The following MACF1 variants were observed in gnomAD, a reference collection of about 807,000 sequenced individuals.
MACF1 encodes microtubule actin crosslinking factor 1, also known as microtubule-actin cross-linking factor 1.
A neutral mutation model predicts 854.8 loss-of-function variants in MACF1; 193 were observed. That is an observed-to-expected ratio of 0.23 (90% CI 0.20 to 0.25). The LOEUF (loss-of-function observed/expected upper bound fraction) is 0.25, where lower values mean the gene tolerates loss of function less well. Ranked by LOEUF, MACF1 falls within the 10% of genes least tolerant of loss-of-function variation. The pLI is 1.00. For missense variants in MACF1, 7,722 were observed against 8,929.1 expected, an observed-to-expected ratio of 0.86 and a Z score of 5.45; for synonymous variants, 3,185 against 3,226.7, an observed-to-expected ratio of 0.99 and a Z score of 0.44.
intron 2 of MACF1, among the ~76,000 whole-genome samples, chr1:39,160,836 GT>G (rs1184675225): frequency 6.6e-6 from 1 of 152,204 alleles, no homozygotes; most frequent in Non-Finnish European, 1.5e-5. Flanking sequence ...CCTGATTAAG[GT>G]GAATGGTTAC....
chr1:39,452,603 G>T (rs1341295422), intron 86 of MACF1, 81 bp from the exon 87 acceptor site: 1 of 1,571,132 alleles, frequency 6.4e-7, no homozygotes, highest in Non-Finnish European at 8.7e-7. Flanking sequence ...AATGAACACT[G>T]GACCCTTTCC....
intron 2 of MACF1, among the ~76,000 whole-genome samples, chr1:39,198,419 G>A (rs1644349325): frequency 6.6e-6 from 1 of 151,994 alleles, no homozygotes; most frequent in African/African-American, 2.4e-5. Flanking sequence ...TTGGGAGGCT[G>A]AGGCGGGTGG....
At chr1:39,108,479 A>C (rs1367186435) in intron 2 of MACF1, among the ~76,000 whole-genome samples, 1 of 146,596 alleles carries the variant, frequency 6.8e-6, no homozygotes, top group Non-Finnish European at 1.5e-5. Context: ...TACCTGGGAG[A>C]TTTGACAAAG....
chr1:39,360,699 ATTAT>A (rs1031931892), intron 47 of MACF1, 90 bp from the exon 48 acceptor site: 97 of 316,692 alleles, frequency 3.1e-4, no homozygotes, highest in African/African-American at 2.8e-3. Context: ...AATAATTTTT[ATTAT>A]TTATTATTTA....
At position 39,378,508 on chromosome 1, in the gene MACF1, T is replaced by C. The variant is rs777607592; in HGVS notation, c.13261T>C (p.Tyr4421His). 16 of 1,613,958 alleles carry C rather than the reference T, an allele frequency of 9.9e-6. No individual in the cohort carries two copies. Among genetic ancestry groups the C allele is most frequent in the Non-Finnish European group, 1.4e-5 (16 of 1,179,798 alleles). The part of the protein sequence containing the change: ...VGSSVGSVNG[Y>H]HTCKDLTEIQ... Reference sequence around the variant, plus strand: ...AAGCTCTGTAGGCAGTGTAAACGGATACCACACCTGCAAAGGTGAGAATGC... The same window carrying C: ...AAGCTCTGTAGGCAGTGTAAACGGACACCACACCTGCAAAGGTGAGAATGC... Residue 4421 changes from tyrosine (Y) to histidine (H), a missense_variant, in exon 53 of 101, where the codon TAC becomes CAC. Around this residue, in one of 15 missense-constraint regions of MACF1, gnomAD observed 2,807 missense variants for 3,235.8 expected, o/e 0.87. Transcript: ENST00000564288.
chr1:39,256,444 T>G (rs1273481612), intron 5 of MACF1, among the ~76,000 whole-genome samples: 1 of 152,108 alleles, frequency 6.6e-6, no homozygotes, highest in East Asian at 1.9e-4. Flanking sequence ...CAGATGAATG[T>G]CATTGTAAGG....
chr1:39,226,893 T>A (rs1242542901), intron 1 of MACF1, among the ~76,000 whole-genome samples: 1 of 152,202 alleles, frequency 6.6e-6, no homozygotes, highest in Non-Finnish European at 1.5e-5. Context: ...TGAGAATTTT[T>A]AAAATTAGAA....
chr1:39,383,153 T>C (rs1414872772), intron 56 of MACF1, among the ~76,000 whole-genome samples: 4 of 152,192 alleles, frequency 2.6e-5, no homozygotes, highest in Non-Finnish European at 4.4e-5. Context: ...GTCAAAATTA[T>C]GTCATTCCCA....
At chr1:39,262,781 A>G (rs1038151117) in intron 6 of MACF1, among the ~76,000 whole-genome samples, 2 of 152,082 alleles carry the variant, frequency 1.3e-5, no homozygotes, top group African/African-American at 4.8e-5. Context: ...CCAAATGCCT[A>G]TTTATTTGTC....
Position 39,209,538 on chromosome 1 carries a change from C to T in MACF1, c.109+4407C>T, listed in dbSNP as rs1571176454. Among the ~76,000 whole-genome samples the T allele has an allele frequency of 3.3e-5, 5 of 152,160 alleles. 1 individual carries two copies. In the Middle Eastern group the frequency reaches 0.014, roughly 414 times the overall value. On this transcript the variant is annotated intron_variant, in intron 1 of 100. Transcript: ENST00000564288. ...TAATATGATCTTTTAAAGTTCTCTCCGTTTTCAGCATCCCACTAGGAGGAA... is the reference window on the plus strand; with the variant it reads ...TAATATGATCTTTTAAAGTTCTCTCTGTTTTCAGCATCCCACTAGGAGGAA...
intron 2 of MACF1, among the ~76,000 whole-genome samples, chr1:39,162,442 A>C (rs1643819890): frequency 6.6e-6 from 1 of 152,056 alleles, no homozygotes; most frequent in Non-Finnish European, 1.5e-5. Flanking sequence ...TTCTCTTTGT[A>C]CCAAATTTCT....
intron 94 of MACF1, chr1:39,464,837 G>T: frequency 2.5e-6 from 1 of 406,470 alleles, no homozygotes; most frequent in African/African-American, 2.1e-5. Context: ...TTGCTTGAAC[G>T]CCGGGGTCGG....
At chr1:39,439,650 G>A (rs1264155109) in intron 72 of MACF1, 150 bp downstream of exon 72, 1 of 629,404 alleles carries the variant, frequency 1.6e-6, no homozygotes, top group Non-Finnish European at 2.8e-6. Context: ...TTGTCCCCAA[G>A]GCTGGAGTGC....
rs924986754 is a variant in MACF1 at position 39,084,514 on chromosome 1, G to A, written c.220+76G>A. 3 of 1,247,400 alleles carry A rather than the reference G, an allele frequency of 2.4e-6. No individual in the cohort carries two copies. Among genetic ancestry groups the A allele is most frequent in the Non-Finnish European group, 2.3e-6 (2 of 885,456 alleles). 77.3% of individuals were successfully genotyped at this position (1,247,400 alleles called of 1,614,324 possible). A position where few individuals can be genotyped will look rare whatever the true frequency, so the allele number is the denominator to read the frequency against. On this transcript the variant is annotated intron_variant, in intron 2 of 93. Transcript: ENST00000361689. The surrounding 1 kb of genome is among the most constrained non-coding windows in gnomAD (Gnocchi z 5.2). ...GGGCCAGGGCACAGCAGCTGTGTGG[G>A]GAGCCGAGGGGTCCTCACCAGGGCC...
rs539500120 is a variant in MACF1 at position 39,462,433 on chromosome 1, G to A, written c.21678+396G>A. Among the ~76,000 whole-genome samples the A allele has an allele frequency of 7.4e-4, 112 of 152,242 alleles. 5 individuals carry two copies. The South Asian group carries it at 0.021, about 29-fold the overall frequency. Reference sequence around the variant, plus strand: ...TTAAGGGTTGAAATGGACTGGGCATGGTGGCTTACATCTGTAGCTCTAGCA... The same window carrying A: ...TTAAGGGTTGAAATGGACTGGGCATAGTGGCTTACATCTGTAGCTCTAGCA... On this transcript the variant is annotated intron_variant, in intron 93 of 100. Coordinates refer to ENST00000564288, the MANE Select transcript of MACF1 (RefSeq NM_001394062.1).
In MACF1 at chr1:39,084,277, G is replaced by A. The variant is rs750161315; in HGVS notation, c.59G>A (p.Cys20Tyr). Reference sequence around the variant, plus strand: ...CGGTCATGTCGGAGTGAGCGGTCTTGTCGGAGTGAGCGATCTTACAGGAGC... The same window carrying A: ...CGGTCATGTCGGAGTGAGCGGTCTTATCGGAGTGAGCGATCTTACAGGAGC... The change falls in exon 2 of 94, where the codon TGT (cysteine) becomes TAT (tyrosine). Residue 20 changes from cysteine to tyrosine, a missense_variant. Physicochemically the swap from Cys to Tyr is radical, Grantham distance 194. Transcript: ENST00000361689. This position sits in a 1 kb window ranked among gnomAD's most constrained non-coding sequence, Gnocchi z 5.2. 2.5e-5 allele frequency: 41 copies of A among 1,613,706 alleles called. No individual in the cohort carries two copies. The highest frequency in any genetic ancestry group is 3.2e-5 in the Non-Finnish European group (38 of 1,179,938).
intron 31 of MACF1, among the ~76,000 whole-genome samples, chr1:39,320,010 T>C (rs1000460231): frequency 6.6e-5 from 10 of 152,196 alleles, no homozygotes; most frequent in African/African-American, 2.4e-4. Flanking sequence ...AAAAACAGAA[T>C]GTTTGAGTTT....
rs1415720801 is a variant in MACF1 at position 39,192,574 on chromosome 1, T to C, written c.221-38608T>C. On this transcript the variant is annotated intron_variant, in intron 2 of 93. Coordinates refer to the MACF1 transcript ENST00000361689. ...TATAGATTTTGACACAAGCTTGAACTTGTATAATGAAAGTTCCATGTGTGA... is the reference window on the plus strand; with the variant it reads ...TATAGATTTTGACACAAGCTTGAACCTGTATAATGAAAGTTCCATGTGTGA... Among the ~76,000 whole-genome samples the C allele has an allele frequency of 8.5e-5, 13 of 152,322 alleles. No homozygotes were observed. The East Asian group carries it at 2.5e-3, about 29-fold the overall frequency.
rs777043456 is a variant in MACF1, at chr1:39,231,123, G to A, written c.110-59G>A. 53 of 1,285,584 alleles carry A rather than the reference G, an allele frequency of 4.1e-5. No individual in the cohort carries two copies. The Middle Eastern group carries it at 1.3e-3, about 32-fold the overall frequency. 79.6% of individuals were successfully genotyped at this position (1,285,584 alleles called of 1,614,324 possible). ...ACAGAGATGTGGGCAGGGCAGCAGC[G>A]TGGGAACCTGTTACCTGGGTAGCAC... On this transcript the variant is annotated intron_variant, in intron 1 of 100. Transcript: ENST00000564288.
Sources: gnomAD v4.1 joint callset for allele counts (sites outside exome capture counted in the v4.1 genomes callset) on GRCh38, gnomAD v4.1.1 for gene constraint, gnomAD v4.1.1 regional missense constraint, Gnocchi (gnomAD v3.1) non-coding constraint, MANE v1.5 for transcripts, NCBI Gene and HGNC (gene_info 2026-07-23, HGNC 2026-07-21) for gene names.